Variants in MAGI3 observed in about 807,000 individuals in gnomAD.
The protein encoded by MAGI3 is membrane associated guanylate kinase, WW and PDZ domain containing 3, also known as membrane-associated guanylate kinase, WW and PDZ domain-containing protein 3.
In MAGI3, 43 loss-of-function variants were observed where a neutral mutation model predicts 121.8. The ratio of observed to expected loss-of-function variants is 0.35; its 90% CI spans 0.28 to 0.46. The LOEUF (loss-of-function observed/expected upper bound fraction) is 0.46. MAGI3 is among the 20% of genes least tolerant of loss of function. The pLI is 1.00. For missense variants in MAGI3, 1,547 were observed against 1,797.3 expected, an observed-to-expected ratio of 0.86 and a Z score of 2.52; for synonymous variants, 553 against 639.3, an observed-to-expected ratio of 0.86 and a Z score of 2.04.
chr1:113,551,052 C>T (rs547093894), intron 2 of MAGI3, among the ~76,000 whole-genome samples: 2 of 151,690 alleles, frequency 1.3e-5, no homozygotes, highest in East Asian at 1.9e-4. Flanking sequence ...TCTTCCCTTC[C>T]TCCCTTGACT....
At chr1:113,445,362 G>A (rs1654125541) in intron 1 of MAGI3, among the ~76,000 whole-genome samples, 2 of 152,154 alleles carry the variant, frequency 1.3e-5, no homozygotes, top group South Asian at 4.1e-4. Flanking sequence ...AGCTACTCAG[G>A]AGGCTGAGGT....
chr1:113,400,455 A>G (rs942962489), intron 1 of MAGI3, among the ~76,000 whole-genome samples: 9 of 152,132 alleles, frequency 5.9e-5, no homozygotes, highest in Non-Finnish European at 4.4e-5. Context: ...ATGAACATTC[A>G]TGGAATTGGG....
At chr1:113,614,574 A>G (rs1211826551) in intron 6 of MAGI3, 27 bp from the exon 7 acceptor site, 1 of 1,560,700 alleles carries the variant, frequency 6.4e-7, no homozygotes. Context: ...TGAATCTGGC[A>G]TTTCACTCAA....
chr1:113,605,949 T>C (rs1375459905), intron 6 of MAGI3, among the ~76,000 whole-genome samples: 2 of 148,936 alleles, frequency 1.3e-5, no homozygotes, highest in African/African-American at 5.1e-5. Context: ...CATTTTATTG[T>C]TTGTAAATTA....
chr1:113,430,173 A>C (rs1220604636), intron 1 of MAGI3, among the ~76,000 whole-genome samples: 1 of 152,084 alleles, frequency 6.6e-6, no homozygotes, highest in Non-Finnish European at 1.5e-5. Flanking sequence ...TTTTCTTCTT[A>C]TTTTATCAGA....
rs1652802482 is a variant in MAGI3 at position 113,422,930 on chromosome 1, C to T, written c.316+31581C>T. Among the ~76,000 whole-genome samples, 1 of 152,156 alleles carries T rather than the reference C, an allele frequency of 6.6e-6. No homozygotes were observed. The highest frequency in any genetic ancestry group is 1.5e-5 in the Non-Finnish European group (1 of 68,034). On this transcript the variant is annotated intron_variant, in intron 1 of 20. Transcript: ENST00000307546. The surrounding 1 kb of genome is among the most constrained non-coding windows in gnomAD (Gnocchi z 4.3). ...GGAGGGCGGGAGGGCTATAGTGTTA[C>T]AGAAACTCTGGCTTGGGGAATCCTG...
At chr1:113,651,299 T>A in intron 14 of MAGI3, 93 bp downstream of exon 14, 1 of 1,196,688 alleles carries the variant, frequency 8.4e-7, no homozygotes, top group Non-Finnish European at 1.2e-6. Flanking sequence ...TTTATTACAT[T>A]CAGTAGTATC....
chr1:113,447,410 T>C (rs781502032), intron 1 of MAGI3, among the ~76,000 whole-genome samples: 12 of 152,218 alleles, frequency 7.9e-5, no homozygotes, highest in Non-Finnish European at 1.8e-4. Context: ...TAGCATTAAA[T>C]CATTCATAAG....
intron 1 of MAGI3, among the ~76,000 whole-genome samples, chr1:113,439,672 A>G (rs1192525244): frequency 1.3e-5 from 2 of 152,212 alleles, no homozygotes; most frequent in Non-Finnish European, 2.9e-5. Context: ...AGGAGAAAGG[A>G]AACTAAAGTT....
chr1:113,602,177 C>T (rs1191563061), intron 6 of MAGI3, among the ~76,000 whole-genome samples: 2 of 151,894 alleles, frequency 1.3e-5, no homozygotes, highest in Non-Finnish European at 2.9e-5. Flanking sequence ...ACATATGTAA[C>T]TAACCTGCAC....
intron 1 of MAGI3, among the ~76,000 whole-genome samples, chr1:113,454,610 A>G (rs896302197): frequency 6.6e-5 from 10 of 152,042 alleles, no homozygotes; most frequent in African/African-American, 2.2e-4. Context: ...ACCCATCTCT[A>G]CATTAGGTAT....
chr1:113,555,433 T>C (rs1002834098), intron 2 of MAGI3, among the ~76,000 whole-genome samples: 1 of 152,166 alleles, frequency 6.6e-6, no homozygotes, highest in African/African-American at 2.4e-5. Flanking sequence ...AGTAAGGTAA[T>C]AGAAAACATG....
At chr1:113,400,297 A>G (rs569087892) in intron 1 of MAGI3, among the ~76,000 whole-genome samples, 3 of 152,274 alleles carry the variant, frequency 2.0e-5, no homozygotes, top group African/African-American at 7.2e-5. Flanking sequence ...GTGCCATAAA[A>G]ATAATAATTT....
intron 1 of MAGI3, among the ~76,000 whole-genome samples, chr1:113,429,735 C>G (rs1377606828): frequency 6.6e-6 from 1 of 152,170 alleles, no homozygotes; most frequent in Non-Finnish European, 1.5e-5. Context: ...GAGGTACTTT[C>G]ATTTTTCATC....
At position 113,683,004 on chromosome 1, in the gene MAGI3, C is replaced by T. The variant is rs1648309493; in HGVS notation, c.3436C>T (p.Pro1146Ser). The change falls in exon 21 of 21, where the codon CCA (proline) becomes TCA (serine). Residue 1146 changes from proline (P) to serine (S), a missense_variant. Physicochemically the swap from Pro to Ser is moderately conservative, Grantham distance 74. Transcript: ENST00000307546. ...TTCCATATTTGAAGAGTCTCACGTG[C>T]CAGTAATTGAAGAATCTTTGAGAGT... ...FASIFEESHV[P>S]VIEESLRVQI... The T allele has an allele frequency of 6.2e-7, 1 of 1,613,692 alleles. No homozygotes were observed. Among genetic ancestry groups the T allele is most frequent in the South Asian group, 1.1e-5 (1 of 91,062 alleles).
intron 1 of MAGI3, among the ~76,000 whole-genome samples, chr1:113,424,787 T>C (rs1652912958): frequency 6.6e-6 from 1 of 152,186 alleles, no homozygotes; most frequent in African/African-American, 2.4e-5. Context: ...TATTGGCTCA[T>C]GAGTTGGGAA....
At chr1:113,625,660 C>G (rs566329754) in intron 9 of MAGI3, among the ~76,000 whole-genome samples, 2 of 152,224 alleles carry the variant, frequency 1.3e-5, no homozygotes, top group African/African-American at 4.8e-5. Flanking sequence ...TTTGACTTCT[C>G]CCTTTCCAAT....
At chr1:113,448,488 T>G (rs1654295188) in intron 1 of MAGI3, among the ~76,000 whole-genome samples, 1 of 152,228 alleles carries the variant, frequency 6.6e-6, no homozygotes, top group African/African-American at 2.4e-5. Flanking sequence ...ACGAAATGTT[T>G]TTTAATTGAT....
At chr1:113,544,379 C>T (rs1404464695) in intron 1 of MAGI3, among the ~76,000 whole-genome samples, 3 of 152,198 alleles carry the variant, frequency 2.0e-5, no homozygotes, top group East Asian at 1.9e-4. Context: ...GTCTTACAGA[C>T]ATCATTGTAA....
Sources: gnomAD v4.1 joint callset for allele counts (sites outside exome capture counted in the v4.1 genomes callset) on GRCh38, gnomAD v4.1.1 for gene constraint, Gnocchi (gnomAD v3.1) non-coding constraint, MANE v1.5 for transcripts, NCBI Gene and HGNC (gene_info 2026-07-23, HGNC 2026-07-21) for gene names.